The following PLPP3 variants were observed in gnomAD, a reference collection of about 807,000 sequenced individuals.
PLPP3 encodes phospholipid phosphatase 3, also known as PAP2 beta.
Under a neutral mutation model 29.6 loss-of-function variants are expected in PLPP3, and 6 were observed. The ratio of observed to expected loss-of-function variants is 0.20; its 90% confidence interval spans 0.11 to 0.40. PLPP3 has a LOEUF of 0.40. Ranked by LOEUF, PLPP3 falls within the 10% of genes least tolerant of loss-of-function variation. The pLI is 1.00. For synonymous variants in PLPP3, 152 were observed against 159.7 expected, an observed-to-expected ratio of 0.95 and a Z score of 0.36; for missense variants, 308 against 407.7, an observed-to-expected ratio of 0.76 and a Z score of 2.11.
chr1:56,550,009 A>C (rs1646027755), intron 1 of PLPP3, among the ~76,000 whole-genome samples: 2 of 152,218 alleles, frequency 1.3e-5, no homozygotes, highest in Admixed American at 1.3e-4. Flanking sequence ...AATGAAGAAT[A>C]GTGATAAGGC....
chr1:56,547,406 C>T (rs1297118947), intron 1 of PLPP3, among the ~76,000 whole-genome samples: 1 of 152,084 alleles, frequency 6.6e-6, no homozygotes, highest in African/African-American at 2.4e-5. Context: ...TAAATTTTAA[C>T]CTAATCTCTC....
Position 56,496,570 on chromosome 1 carries a change from T to C in PLPP3, c.917A>G (p.Asn306Ser). 1 of 1,614,096 alleles carries C rather than the reference T, an allele frequency of 6.2e-7. No homozygotes were observed. The highest frequency in any genetic ancestry group is 8.5e-7 in the Non-Finnish European group (1 of 1,179,988). The change falls in exon 6 of 6, where the codon AAT becomes AGT. Residue 306 changes from asparagine to serine, a missense_variant. By Grantham distance (46) the Asn-to-Ser change is conservative. Coordinates refer to ENST00000371250, the MANE Select transcript of PLPP3 (RefSeq NM_003713.5). The stretch of plus-strand genomic sequence containing the variant: ...TGGCACCTACATCATGTTGTGGTGA[T>C]TGTTCCTGTCAATAATGTCCACAGG... ...LSPVDIIDRNNHHNMM is the reference protein window; with the variant it reads ...LSPVDIIDRNSHHNMM
At chr1:56,512,367 T>C (rs1201876554) in intron 4 of PLPP3, 4 of 475,162 alleles carry the variant, frequency 8.4e-6, no homozygotes, top group Non-Finnish European at 1.1e-5. Flanking sequence ...ATCCCAGCAC[T>C]TCGTGTGGCT....
At chr1:56,542,555 T>C (rs1645977678) in intron 1 of PLPP3, among the ~76,000 whole-genome samples, 1 of 152,118 alleles carries the variant, frequency 6.6e-6, no homozygotes, top group Non-Finnish European at 1.5e-5. Flanking sequence ...TGTTCAATTT[T>C]CCACTCAAAA....
intron 4 of PLPP3, among the ~76,000 whole-genome samples, chr1:56,514,883 C>A (rs1247877087): frequency 3.3e-5 from 5 of 152,156 alleles, no homozygotes; most frequent in African/African-American, 1.2e-4. Context: ...AAAGACTACT[C>A]CCTTAATGAC....
rs76709357 is a variant in PLPP3 at position 56,550,262 on chromosome 1, A to G, written c.140-13150T>C. Among the ~76,000 whole-genome samples the G allele has an allele frequency of 7.4e-3, 1,134 of 152,288 alleles. 17 individuals are homozygous for G. Among genetic ancestry groups the G allele is most frequent in the African/African-American group, 0.026 (1,072 of 41,562 alleles). ...ATAACAAAATGTAAGGCATTCGGAT[A>G]CACTGGGAGAACTGGCTACAGTAAA... On this transcript the variant is annotated intron_variant, in intron 1 of 5. Coordinates refer to ENST00000371250, the MANE Select transcript of PLPP3 (RefSeq NM_003713.5).
At chr1:56,553,622 T>C (rs766106203) in intron 1 of PLPP3, among the ~76,000 whole-genome samples, 1 of 151,992 alleles carries the variant, frequency 6.6e-6, no homozygotes, top group Non-Finnish European at 1.5e-5. Flanking sequence ...ATTGCTGGAG[T>C]TTCCCTACAT....
In PLPP3 at chr1:56,565,122, A is replaced by C. The variant is rs118045034; in HGVS notation, c.139+13756T>G. Among the ~76,000 whole-genome samples the C allele has an allele frequency of 2.7e-4, 41 of 152,342 alleles. No individual in the cohort carries two copies. The East Asian group carries it at 4.6e-3, about 17-fold the overall frequency. Reference sequence around the variant, plus strand: ...AAACAGCTACTTTGGGAGAGTGTCTAATGAAATCTGCTGTGTGGCTGAGAC... The same window carrying C: ...AAACAGCTACTTTGGGAGAGTGTCTCATGAAATCTGCTGTGTGGCTGAGAC... On this transcript the variant is annotated intron_variant, in intron 1 of 5. Transcript: ENST00000371250.
intron 4 of PLPP3, among the ~76,000 whole-genome samples, chr1:56,521,049 C>A (rs985494438): frequency 6.6e-6 from 1 of 150,960 alleles, no homozygotes; most frequent in Non-Finnish European, 1.5e-5. Flanking sequence ...GCCTGGCCAA[C>A]ATGGCAAAGC....
At chr1:56,556,284 G>C (rs72664363) in intron 1 of PLPP3, among the ~76,000 whole-genome samples, 13,451 of 152,184 alleles carry the variant, frequency 0.088, 811 homozygotes, top group Non-Finnish European at 0.14. Flanking sequence ...TATAAAATGG[G>C]GGAATTTGGT....
chr1:56,542,605 T>C lies in PLPP3; in HGVS notation c.140-5493A>G, dbSNP rs556092113. Among the ~76,000 whole-genome samples the C allele has an allele frequency of 3.3e-5, 5 of 152,298 alleles. No individual in the cohort carries two copies. The East Asian group carries it at 9.6e-4, about 29-fold the overall frequency. ...TATAAAATACGTGAAGTCCAGGATC[T>C]GCGAGAATAATAATTAAACTAACAT... On this transcript the variant is annotated intron_variant, in intron 1 of 5. Coordinates refer to ENST00000371250, the MANE Select transcript of PLPP3 (RefSeq NM_003713.5).
chr1:56,557,034 G>GAAAGAAAGAA lies in PLPP3; in HGVS notation c.140-19923_140-19922insTTCTTTCTTT, dbSNP rs1309537722. ...AGAGAGAGAGAGAGAGAAAGAGAGA[G>GAAAGAAAGAA]AGAGAGAGAGAGAGAGAGAGAGAGA... On this transcript the variant is annotated intron_variant, in intron 1 of 5. Transcript: ENST00000371250. 4.2e-4 allele frequency among the ~76,000 whole-genome samples: 11 copies of GAAAGAAAGAA among 25,930 alleles called. 3 individuals carry two copies. The highest frequency in any genetic ancestry group is 1.1e-3 in the African/African-American group (11 of 9,988). 17.0% of individuals were successfully genotyped at this position (25,930 alleles called of 152,430 possible). A position where few individuals can be genotyped will look rare whatever the true frequency, so the allele number is the denominator to read the frequency against.
At chr1:56,560,831 C>T (rs893907907) in intron 1 of PLPP3, among the ~76,000 whole-genome samples, 11 of 135,720 alleles carry the variant, frequency 8.1e-5, no homozygotes, top group Admixed American at 7.6e-4. Flanking sequence ...CATTCAGAGT[C>T]CTTTTTTTTT....
chr1:56,574,909 C>G (rs760231882), intron 1 of PLPP3, among the ~76,000 whole-genome samples: 6 of 152,184 alleles, frequency 3.9e-5, no homozygotes, highest in Non-Finnish European at 8.8e-5. Flanking sequence ...GAAAGATGGT[C>G]TAGTTCCTTC....
chr1:56,576,025 T>C (rs1462077769), intron 1 of PLPP3, among the ~76,000 whole-genome samples: 1 of 152,184 alleles, frequency 6.6e-6, no homozygotes, highest in Non-Finnish European at 1.5e-5. Context: ...AGCTGTCCAA[T>C]GAAAGGTAAA....
intron 4 of PLPP3, chr1:56,513,655 C>G (rs545874426): frequency 3.4e-4 from 51 of 152,206 alleles, no homozygotes; most frequent in African/African-American, 1.1e-3. Flanking sequence ...ACATGGAAGA[C>G]AGCAGACTAC....
rs1553136724 is a variant in PLPP3, at chr1:56,520,929, A to AAG, written c.633+2893_633+2894insCT. 2.7e-3 allele frequency among the ~76,000 whole-genome samples: 387 copies of AAG among 145,234 alleles called. 2 individuals are homozygous for AAG. Among genetic ancestry groups the AAG allele is most frequent in the Middle Eastern group, 7.5e-3 (2 of 268 alleles). ...CCATCTCAAAAAAAAAAAAAAAAAA[A>AAG]AAAAAAGAAACTTTTGCAAATCGGC... On this transcript the variant is annotated intron_variant, in intron 4 of 5. Transcript: ENST00000371250.
intron 5 of PLPP3, among the ~76,000 whole-genome samples, chr1:56,502,760 C>T (rs1392000791): frequency 6.6e-6 from 1 of 152,190 alleles, no homozygotes; most frequent in Non-Finnish European, 1.5e-5. Context: ...AATGCTGTGT[C>T]ATATTTCCCC....
In PLPP3 at chr1:56,496,577, T is replaced by G. The variant is rs1350050878; in HGVS notation, c.910A>C (p.Arg304=). 8 of 1,613,998 alleles carry G rather than the reference T, an allele frequency of 5.0e-6. No individual in the cohort carries two copies. Among genetic ancestry groups the G allele is most frequent in the South Asian group, 2.2e-5 (2 of 91,090 alleles). ...EILSPVDIID[R]NNHHNMM ...TACATCATGTTGTGGTGATTGTTCCTGTCAATAATGTCCACAGGTGAAAGG... is the reference window on the plus strand; with the variant it reads ...TACATCATGTTGTGGTGATTGTTCCGGTCAATAATGTCCACAGGTGAAAGG... Residue 304 remains arginine, a synonymous_variant, in exon 6 of 6, where the codon AGG becomes CGG. Transcript: ENST00000371250.
Sources: allele counts gnomAD v4.1 joint callset (sites outside exome capture counted in the v4.1 genomes callset), GRCh38; gene constraint gnomAD v4.1.1; transcripts MANE v1.5; gene names NCBI Gene and HGNC (gene_info 2026-07-23, HGNC 2026-07-21).